Variants in COL25A1 observed in about 807,000 individuals in gnomAD.
The protein encoded by COL25A1 is collagen alpha-1(XXV) chain.
In COL25A1, 103 loss-of-function variants were observed where a neutral mutation model predicts 128.4. The observed-to-expected ratio is 0.80, with a 90% confidence interval of 0.68 to 0.94. The LOEUF (loss-of-function observed/expected upper bound fraction) is 0.94. Among genes scored for constraint, COL25A1 ranks in the 40% least tolerant of loss-of-function variants. The pLI, the probability that COL25A1 is intolerant of heterozygous loss-of-function variation, is 0.00. For synonymous variants in COL25A1, 279 were observed against 277.2 expected (o/e 1.01, Z -0.06); for missense variants, 745 against 840.0 (o/e 0.89, Z 1.40).
At chr4:109,155,721 C>G (rs1771968240) in intron 3 of COL25A1, among the ~76,000 whole-genome samples, 1 of 152,110 alleles carries the variant, frequency 6.6e-6, no homozygotes, top group Non-Finnish European at 1.5e-5. Flanking sequence ...ATCCACGGAC[C>G]AACAGAGCAA....
chr4:109,016,106 T>A (rs1490953006), intron 5 of COL25A1, among the ~76,000 whole-genome samples: 1 of 152,178 alleles, frequency 6.6e-6, no homozygotes, highest in Non-Finnish European at 1.5e-5. Context: ...TTAGGGAACC[T>A]GGGAAGCCCC....
chr4:109,053,990 C>T (rs567607103), intron 3 of COL25A1, among the ~76,000 whole-genome samples: 5 of 152,224 alleles, frequency 3.3e-5, no homozygotes, highest in African/African-American at 1.2e-4. Flanking sequence ...TATCTCATTA[C>T]GAGAATGGCT....
intron 3 of COL25A1, among the ~76,000 whole-genome samples, chr4:109,050,882 GTT>G (rs1250927312): frequency 7.3e-6 from 1 of 137,428 alleles, no homozygotes; most frequent in Non-Finnish European, 1.6e-5. Flanking sequence ...AAAAAAACTT[GTT>G]TTTTTTTTTT....
rs770891444 is a variant in COL25A1 at position 108,889,816 on chromosome 4, C to A, written c.907-83G>T. 4.0e-6 allele frequency: 5 copies of A among 1,235,822 alleles called. No homozygotes were observed. The African/African-American group carries it at 6.0e-5, about 15-fold the overall frequency. The allele number at this position is 1,235,822 out of a possible 1,614,324, so 76.6% of individuals were successfully genotyped here. ...AGCACTCAGAGAGCCATCACCAACACAGGTACTCAAAGGGTATCTCATGAC... is the reference window on the plus strand; with the variant it reads ...AGCACTCAGAGAGCCATCACCAACAAAGGTACTCAAAGGGTATCTCATGAC... On this transcript the variant is annotated intron_variant, in intron 16 of 37. Coordinates refer to ENST00000399132, the MANE Select transcript of COL25A1 (RefSeq NM_198721.4).
chr4:108,920,086 T>G (rs1309411655), intron 12 of COL25A1, among the ~76,000 whole-genome samples: 2 of 152,122 alleles, frequency 1.3e-5, no homozygotes, highest in African/African-American at 4.8e-5. Context: ...TAATCGTCAA[T>G]TCTGATGATT....
At chr4:108,893,532 C>A (rs1741769273) in intron 16 of COL25A1, among the ~76,000 whole-genome samples, 1 of 151,996 alleles carries the variant, frequency 6.6e-6, no homozygotes, top group African/African-American at 2.4e-5. Flanking sequence ...ACAGAGAAAA[C>A]CCAGCCTAGT....
rs558362391 is a variant in COL25A1 at position 108,895,442 on chromosome 4, T to C, written c.906+1225A>G. Among the ~76,000 whole-genome samples, 54 of 152,272 alleles carry C rather than the reference T, an allele frequency of 3.5e-4. 1 individual carries two copies. The South Asian group carries it at 0.011, about 31-fold the overall frequency. On this transcript the variant is annotated intron_variant, in intron 16 of 37. Transcript: ENST00000399132. ...TTTAACACATAGCACAAGTGAAGTATAACATCCTTCCTCTGTCAGAGGTAT... is the reference window on the plus strand; with the variant it reads ...TTTAACACATAGCACAAGTGAAGTACAACATCCTTCCTCTGTCAGAGGTAT...
chr4:109,247,484 C>T (rs1780348815), intron 3 of COL25A1, among the ~76,000 whole-genome samples: 1 of 152,156 alleles, frequency 6.6e-6, no homozygotes, highest in Admixed American at 6.5e-5. Flanking sequence ...TTAAGACCAG[C>T]TCAAACTATT....
At chr4:109,026,100 G>GCACACACACACA (rs56718544) in intron 5 of COL25A1, among the ~76,000 whole-genome samples, 1,389 of 137,124 alleles carry the variant, frequency 0.01, 6 homozygotes, top group African/African-American at 0.017. Context: ...AAAACACTTT[G>GCACACACACACA]CACACACACA....
At chr4:108,922,410 G>C (rs1412466116) in intron 11 of COL25A1, among the ~76,000 whole-genome samples, 2 of 152,026 alleles carry the variant, frequency 1.3e-5, no homozygotes, top group African/African-American at 4.8e-5. Flanking sequence ...CCGAGAATGT[G>C]TATGTTCAAT....
chr4:109,238,985 G>A (rs1002757692), intron 3 of COL25A1, among the ~76,000 whole-genome samples: 39 of 151,968 alleles, frequency 2.6e-4, no homozygotes, highest in Non-Finnish European at 4.0e-4. Flanking sequence ...ATCAACCCGA[G>A]GGGAACCCCT....
chr4:109,300,184 A>G (rs545472023), intron 3 of COL25A1, among the ~76,000 whole-genome samples: 9 of 150,216 alleles, frequency 6.0e-5, no homozygotes, highest in Non-Finnish European at 7.4e-5. Context: ...ACCAAAACAA[A>G]AAAAAAAAAA....
At chr4:108,824,753 C>T (rs1193133803) in intron 34 of COL25A1, among the ~76,000 whole-genome samples, 2 of 151,914 alleles carry the variant, frequency 1.3e-5, no homozygotes, top group Non-Finnish European at 2.9e-5. Context: ...TTGACATTCT[C>T]TATTTTCACA....
chr4:108,972,170 G>T (rs529488536), intron 8 of COL25A1, among the ~76,000 whole-genome samples: 23 of 151,990 alleles, frequency 1.5e-4, no homozygotes, highest in Non-Finnish European at 3.2e-4. Context: ...AGTTCACATT[G>T]TTATTTATGG....
At chr4:108,842,616 T>C (rs1734580388) in intron 30 of COL25A1, among the ~76,000 whole-genome samples, 1 of 152,174 alleles carries the variant, frequency 6.6e-6, no homozygotes, top group African/African-American at 2.4e-5. Flanking sequence ...TAGAATAATA[T>C]TTTCCTTTTC....
At chr4:108,981,602 C>A (rs1385973107) in intron 6 of COL25A1, among the ~76,000 whole-genome samples, 4 of 152,136 alleles carry the variant, frequency 2.6e-5, no homozygotes, top group Non-Finnish European at 5.9e-5. Context: ...CATGAAATAA[C>A]ATATCTTGGC....
At chr4:108,956,271 T>C (rs538983135) in intron 8 of COL25A1, among the ~76,000 whole-genome samples, 3 of 152,334 alleles carry the variant, frequency 2.0e-5, no homozygotes, top group African/African-American at 7.2e-5. Flanking sequence ...CCTTAGATTG[T>C]ATATTGAGAA....
At chr4:109,088,290 A>AC (rs1274129344) in intron 3 of COL25A1, among the ~76,000 whole-genome samples, 3 of 152,200 alleles carry the variant, frequency 2.0e-5, no homozygotes, top group African/African-American at 7.2e-5. Context: ...TTATGTCTCC[A>AC]CAGTGAGGAG....
chr4:108,943,641 C>T (rs1028015637), intron 8 of COL25A1, among the ~76,000 whole-genome samples: 11 of 152,168 alleles, frequency 7.2e-5, no homozygotes, highest in Non-Finnish European at 1.0e-4. Context: ...TGCAGAAAAG[C>T]GGTTTTGAAT....
Sources: allele counts gnomAD v4.1 joint callset (sites outside exome capture counted in the v4.1 genomes callset), GRCh38; gene constraint gnomAD v4.1.1; transcripts MANE v1.5; gene names NCBI Gene and HGNC (gene_info 2026-07-23, HGNC 2026-07-21).